The following ZNF257 variants were observed in gnomAD, a reference collection of about 807,000 sequenced individuals.
ZNF257 encodes the protein bone marrow zinc finger 4.
Under a neutral mutation model 11.9 loss-of-function variants are expected in ZNF257, and 12 were observed. The ratio of observed to expected loss-of-function variants is 1.01; its 90% CI spans 0.65 to 1.63. The LOEUF (loss-of-function observed/expected upper bound fraction) is 1.63. ZNF257 is among the 40% of genes most tolerant of loss of function. The pLI is 0.00. For synonymous variants in ZNF257, 183 were observed against 222.7 expected (o/e 0.82, Z 1.59); for missense variants, 580 against 665.5 (o/e 0.87, Z 1.41).
In ZNF257 at chr19:22,088,349, C is replaced by T. The variant is rs760874941; in HGVS notation, c.599C>T (p.Ser200Phe). ...RHKRIHIREN[S>F]HKCEECGKAF... ...AAGAGAATTCATATTAGAGAGAATT[C>T]CCACAAATGTGAAGAATGTGGCAAA... Residue 200 changes from serine (S) to phenylalanine (F), a missense_variant, in exon 4 of 4, where the codon TCC becomes TTC. Ser to Phe is a radical substitution (Grantham distance 155, BLOSUM62 -2). Coordinates refer to ENST00000594947, the MANE Select transcript of ZNF257 (RefSeq NM_033468.4). The T allele has an allele frequency of 1.9e-6, 3 of 1,613,514 alleles. No individual in the cohort carries two copies. Among genetic ancestry groups the T allele is most frequent in the Admixed American group, 1.7e-5 (1 of 59,950 alleles).
rs1971727741 is a variant in ZNF257, at chr19:22,052,529, G to T, written c.-104G>T. 1 of 1,408,730 alleles carries T rather than the reference G, an allele frequency of 7.1e-7. No homozygotes were observed. 87.3% of individuals were successfully genotyped at this position (1,408,730 alleles called of 1,614,324 possible). A position where few individuals can be genotyped will look rare whatever the true frequency, so the allele number is the denominator to read the frequency against. ...CCGAGCTGCAGGTCTCGTCTTCCCT[G>T]GTCTGTGTCCTCTTCTCCTAGGGGC... On this transcript the variant is annotated 5_prime_UTR_variant, in exon 1 of 4. Transcript: ENST00000594947.
rs951776446 is a variant in ZNF257, at chr19:22,078,691, ATTAT to A, written c.226+5130_226+5133del. On this transcript the variant is annotated intron_variant, in intron 3 of 3. Transcript: ENST00000594947. ...TTCTATATTTCTAAAAAATTGGTTA[ATTAT>A]TTTTTATGTCTGGGTATTTTATTTA... is the stretch of plus-strand genomic sequence containing the variant. 1.7e-4 allele frequency among the ~76,000 whole-genome samples: 26 copies of A among 151,888 alleles called. No homozygotes were observed. The Middle Eastern group carries it at 0.01, about 60-fold the overall frequency.
intron 1 of ZNF257, among the ~76,000 whole-genome samples, chr19:22,058,228 A>AACTATTT (rs1347135643): frequency 6.6e-6 from 1 of 152,036 alleles, no homozygotes; most frequent in African/African-American, 2.4e-5. Context: ...TATTAATCAC[A>AACTATTT]ACTATTTACC....
rs771776982 is a variant in ZNF257, at chr19:22,088,188, A to G, written c.438A>G (p.Gln146=). ...CLITTQSKMY[Q]CDKYVKVFYK... Reference sequence around the variant, plus strand: ...TAACTACCCAGAGCAAAATGTATCAATGTGATAAATATGTAAAAGTCTTCT... The same window carrying G: ...TAACTACCCAGAGCAAAATGTATCAGTGTGATAAATATGTAAAAGTCTTCT... The change falls in exon 4 of 4, where the codon CAA becomes CAG. Residue 146 remains glutamine, a synonymous_variant. Coordinates refer to ENST00000594947, the MANE Select transcript of ZNF257 (RefSeq NM_033468.4). 6.2e-7 allele frequency: 1 copy of G among 1,608,566 alleles called. No individual in the cohort carries two copies. Among genetic ancestry groups the G allele is most frequent in the Non-Finnish European group, 8.5e-7 (1 of 1,177,570 alleles).
At chr19:22,076,678 T>G (rs1337438895) in intron 3 of ZNF257, among the ~76,000 whole-genome samples, 1 of 152,116 alleles carries the variant, frequency 6.6e-6, no homozygotes, top group Non-Finnish European at 1.5e-5. Flanking sequence ...TTAGTGTGTT[T>G]TTTTCAATGT....
At position 22,067,519 on chromosome 19, in the gene ZNF257, T is replaced by C. The variant is rs185086210; in HGVS notation, c.4-5290T>C. ...ATCTGAGGAATACAAGTCCTTTTAG[T>C]TGTCAAACACAGAGAGACATTAAAA... On this transcript the variant is annotated intron_variant, in intron 1 of 3. Coordinates refer to ENST00000594947, the MANE Select transcript of ZNF257 (RefSeq NM_033468.4). 5.0e-4 allele frequency among the ~76,000 whole-genome samples: 76 copies of C among 152,132 alleles called. 1 individual carries two copies. Among genetic ancestry groups the C allele is most frequent in the African/African-American group, 1.7e-3 (72 of 41,484 alleles).
chr19:22,087,651 C>T, intron 3 of ZNF257: 2 of 987,238 alleles, frequency 2.0e-6, no homozygotes, highest in Non-Finnish European at 2.6e-6. Context: ...TGGCAATTTA[C>T]TTCTAAGGGC....
chr19:22,088,599 G>C lies in ZNF257; in HGVS notation c.849G>C (p.Lys283Asn). 2.5e-6 allele frequency: 4 copies of C among 1,606,152 alleles called. No homozygotes were observed. The highest frequency in any genetic ancestry group is 2.5e-6 in the Non-Finnish European group (3 of 1,178,318). ...TQHKRIHNRE[K>N]PFKYDECCKA... ...ATAAGAGAATTCATAATAGAGAGAA[G>C]CCCTTCAAATATGATGAATGTTGCA... The change falls in exon 4 of 4, where the codon AAG becomes AAC. Residue 283 changes from lysine to asparagine, a missense_variant. Lys to Asn is a moderately conservative substitution (Grantham distance 94). Transcript: ENST00000594947.
intron 1 of ZNF257, among the ~76,000 whole-genome samples, chr19:22,069,899 G>A (rs2022059049): frequency 6.6e-6 from 1 of 152,094 alleles, no homozygotes; most frequent in Non-Finnish European, 1.5e-5. Flanking sequence ...AGAACTGGAA[G>A]TACCCCAGTG....
intron 1 of ZNF257, among the ~76,000 whole-genome samples, chr19:22,054,018 T>C (rs538552591): frequency 1.8e-4 from 27 of 151,962 alleles, no homozygotes; most frequent in African/African-American, 5.8e-4. Flanking sequence ...TCTAGTTGCC[T>C]GCCACTTAAT....
intron 1 of ZNF257, among the ~76,000 whole-genome samples, chr19:22,057,158 C>G (rs2021664117): frequency 6.6e-6 from 1 of 152,122 alleles, no homozygotes; most frequent in Admixed American, 6.6e-5. Context: ...TACATTTATT[C>G]TCTGAAAGGA....
At chr19:22,076,774 C>T (rs1353680121) in intron 3 of ZNF257, among the ~76,000 whole-genome samples, 3 of 152,046 alleles carry the variant, frequency 2.0e-5, no homozygotes, top group East Asian at 1.9e-4. Context: ...CTGCAACCTC[C>T]GCCTCCCGGG....
chr19:22,087,236 A>G (rs2022496263), intron 3 of ZNF257, among the ~76,000 whole-genome samples: 1 of 152,022 alleles, frequency 6.6e-6, no homozygotes. Flanking sequence ...GACATTTAAA[A>G]AAAAAAAGGC....
At chr19:22,067,375 T>A (rs2145696285) in intron 1 of ZNF257, among the ~76,000 whole-genome samples, 1 of 152,254 alleles carries the variant, frequency 6.6e-6, no homozygotes, top group South Asian at 2.1e-4. Flanking sequence ...CTCCTCTTGC[T>A]AAAATGTCCA....
chr19:22,066,325 C>T (rs1185083844), intron 1 of ZNF257: 1 of 153,732 alleles, frequency 6.5e-6, no homozygotes, highest in Non-Finnish European at 1.4e-5. Context: ...TCTTCCATTC[C>T]CTTTATTGTG....
At chr19:22,080,010 T>G (rs1243157125) in intron 3 of ZNF257, among the ~76,000 whole-genome samples, 1 of 152,128 alleles carries the variant, frequency 6.6e-6, no homozygotes, top group Non-Finnish European at 1.5e-5. Context: ...GACAGGATCT[T>G]ACTCTGTCAC....
At position 22,089,344 on chromosome 19, in the gene ZNF257, G is replaced by A. The variant is rs181738289; in HGVS notation, c.1594G>A (p.Val532Ile). Residue 532 changes from valine to isoleucine, a missense_variant, in exon 4 of 4, where the codon GTA becomes ATA. By Grantham distance (29) the Val-to-Ile change is conservative. Coordinates refer to ENST00000594947, the MANE Select transcript of ZNF257 (RefSeq NM_033468.4). ...TTTTAATCGTTTCTCATACCTTACCGTACATAAGAGAATTCATGCTGGAGA... is the reference window on the plus strand; with the variant it reads ...TTTTAATCGTTTCTCATACCTTACCATACATAAGAGAATTCATGCTGGAGA... ...KPFNRFSYLT[V>I]HKRIHAGENP... The A allele has an allele frequency of 8.4e-5, 136 of 1,612,396 alleles. No individual in the cohort carries two copies. The African/African-American group carries it at 1.2e-3, about 14-fold the overall frequency.
At position 22,082,088 on chromosome 19, in the gene ZNF257, A is replaced by T. The variant is rs113181187; in HGVS notation, c.227-5889A>T. Among the ~76,000 whole-genome samples, 501 of 152,012 alleles carry T rather than the reference A, an allele frequency of 3.3e-3. 4 individuals are homozygous for T. The highest frequency in any genetic ancestry group is 0.012 in the African/African-American group (484 of 41,398). The stretch of plus-strand genomic sequence containing the variant: ...TAAAACAATATATTTTAATCTCATA[A>T]CTTCAACTGAATACAAATACTATAC... On this transcript the variant is annotated intron_variant, in intron 3 of 3. Transcript: ENST00000594947.
intron 3 of ZNF257, among the ~76,000 whole-genome samples, chr19:22,080,039 GCATGATTTTGGCT>G (rs1451824956): frequency 2.0e-5 from 3 of 152,058 alleles, no homozygotes; most frequent in Non-Finnish European, 4.4e-5. Context: ...GAGTGCAGTG[GCATGATTTTGGCT>G]CACTGTCACC....
Sources: allele counts gnomAD v4.1 joint callset (sites outside exome capture counted in the v4.1 genomes callset), GRCh38; gene constraint gnomAD v4.1.1; transcripts MANE v1.5; gene names NCBI Gene and HGNC (gene_info 2026-07-23, HGNC 2026-07-21).